The following FBXL13 variants were observed in gnomAD, a reference collection of about 807,000 sequenced individuals.
FBXL13 encodes the protein F-box and leucine-rich repeat protein 13.
In FBXL13, 67 loss-of-function variants were observed where a neutral mutation model predicts 83.6. The ratio of observed to expected loss-of-function variants is 0.80; its 90% CI spans 0.66 to 0.98. FBXL13 has a LOEUF of 0.98. Ranked by LOEUF, FBXL13 falls within the 50% of genes least tolerant of loss-of-function variation. FBXL13 has a pLI of 0.00. For synonymous variants in FBXL13, 272 were observed against 299.5 expected (o/e 0.91, Z 0.95); for missense variants, 822 against 866.5 (o/e 0.95, Z 0.64).
At position 103,027,448 on chromosome 7, in the gene FBXL13, C is replaced by A. The variant is rs768085729; in HGVS notation, c.327+1G>T. The A allele has an allele frequency of 6.5e-5, 104 of 1,600,980 alleles. No individual in the cohort carries two copies. The East Asian group carries it at 2.3e-3, about 35-fold the overall frequency. ...TAAAAAATTGTTTCAATATACAATA[C>A]CAGCTCATCTTCTTTCTTTTTACTC... On this transcript the variant is annotated splice_donor_variant, in intron 5 of 19. Transcript: ENST00000313221. LOFTEE classifies it high-confidence loss of function.
At chr7:102,992,898 C>T (rs978413077) in intron 6 of FBXL13, among the ~76,000 whole-genome samples, 2 of 152,170 alleles carry the variant, frequency 1.3e-5, no homozygotes, top group African/African-American at 2.4e-5. Flanking sequence ...TGAGCCACCA[C>T]GCCCAGCCTG....
At chr7:102,938,705 A>C (rs1055502490) in intron 8 of FBXL13, among the ~76,000 whole-genome samples, 20 of 152,222 alleles carry the variant, frequency 1.3e-4, no homozygotes, top group African/African-American at 4.8e-4. Flanking sequence ...ATCAAAAGCA[A>C]ACACTTTGCA....
chr7:102,914,049 C>T (rs1666833589), intron 10 of FBXL13, among the ~76,000 whole-genome samples: 1 of 152,154 alleles, frequency 6.6e-6, no homozygotes, highest in South Asian at 2.1e-4. Context: ...GACAATTTCC[C>T]AAGCCCTCCA....
At chr7:103,064,890 TCACAGACCTGGCTGAACTCC>T (rs1798247170) in intron 1 of FBXL13, among the ~76,000 whole-genome samples, 1 of 152,150 alleles carries the variant, frequency 6.6e-6, no homozygotes, top group Admixed American at 6.5e-5. Context: ...GCCTACTGGT[TCACAGACCTGGCTGAACTCC>T]CAGCCAACAG....
At chr7:102,894,865 T>C (rs73714532) in intron 11 of FBXL13, among the ~76,000 whole-genome samples, 169 of 152,282 alleles carry the variant, frequency 1.1e-3, no homozygotes, top group African/African-American at 4.0e-3. Flanking sequence ...TCATCAAGCC[T>C]TGCTCTAGCA....
Position 102,871,735 on chromosome 7 carries a change from A to G in FBXL13, c.1635+5732T>C, listed in dbSNP as rs541807009. Among the ~76,000 whole-genome samples the G allele has an allele frequency of 1.9e-3, 289 of 152,158 alleles. 2 individuals are homozygous for G. Among genetic ancestry groups the G allele is most frequent in the African/African-American group, 6.8e-3 (282 of 41,524 alleles). On this transcript the variant is annotated intron_variant, in intron 16 of 19. Transcript: ENST00000313221. The stretch of plus-strand genomic sequence containing the variant: ...TTCCAAAGCCAGAACTTTTAAGTCA[A>G]TTCTTATCCTCCCATCCCTCCACCG...
intron 16 of FBXL13, among the ~76,000 whole-genome samples, chr7:102,856,847 T>C (rs1806115618): frequency 6.6e-6 from 1 of 152,182 alleles, no homozygotes; most frequent in African/African-American, 2.4e-5. Context: ...TCCTCAAAAA[T>C]TAAACATAGA....
At chr7:102,908,035 A>C (rs2129467880) in intron 11 of FBXL13, among the ~76,000 whole-genome samples, 1 of 152,256 alleles carries the variant, frequency 6.6e-6, no homozygotes, top group East Asian at 1.9e-4. Context: ...AACTAGAAAA[A>C]CCATTTGACC....
chr7:103,044,239 T>C (rs996413562), intron 2 of FBXL13, among the ~76,000 whole-genome samples: 1 of 152,198 alleles, frequency 6.6e-6, no homozygotes, highest in Admixed American at 6.5e-5. Context: ...ATAAGTCGCA[T>C]GCAGAAAAAA....
chr7:102,903,102 T>C (rs1423689778), intron 11 of FBXL13, among the ~76,000 whole-genome samples: 2 of 152,112 alleles, frequency 1.3e-5, no homozygotes, highest in Non-Finnish European at 2.9e-5. Context: ...AATTTATTCA[T>C]CAGTGTTTCA....
intron 1 of FBXL13, among the ~76,000 whole-genome samples, chr7:103,064,939 G>A (rs1352078967): frequency 1.3e-5 from 2 of 152,122 alleles, no homozygotes; most frequent in Non-Finnish European, 2.9e-5. Flanking sequence ...AACTTGCTAG[G>A]CATGCAAAAG....
At chr7:102,877,996 C>G (rs1809497772) in intron 15 of FBXL13, among the ~76,000 whole-genome samples, 1 of 152,154 alleles carries the variant, frequency 6.6e-6, no homozygotes, top group South Asian at 2.1e-4. Context: ...CCAGAACACC[C>G]CTTGGGAAAT....
At chr7:102,835,744 G>A (rs1483130032) in intron 17 of FBXL13, among the ~76,000 whole-genome samples, 1 of 144,114 alleles carries the variant, frequency 6.9e-6, no homozygotes, top group Non-Finnish European at 1.5e-5. Context: ...CAAGTAGCTG[G>A]GACTACAGGC....
intron 6 of FBXL13, among the ~76,000 whole-genome samples, chr7:103,005,400 A>G (rs1357101763): frequency 6.6e-6 from 1 of 152,226 alleles, no homozygotes; most frequent in Non-Finnish European, 1.5e-5. Context: ...GACGGAAAGT[A>G]AAGGCAAAGA....
chr7:103,037,568 G>A (rs1020666364), intron 2 of FBXL13, among the ~76,000 whole-genome samples: 2 of 152,048 alleles, frequency 1.3e-5, no homozygotes, highest in Admixed American at 6.5e-5. Flanking sequence ...ACTTTGGGAG[G>A]CTGAGGTAGG....
intron 17 of FBXL13, chr7:102,834,630 T>C (rs531088238): frequency 6.6e-6 from 1 of 151,924 alleles, no homozygotes; most frequent in East Asian, 1.9e-4. Context: ...GCACAGATAC[T>C]AAAATTGGAA....
chr7:103,011,164 T>G (rs1343017278), intron 6 of FBXL13, among the ~76,000 whole-genome samples: 2 of 152,210 alleles, frequency 1.3e-5, no homozygotes, highest in African/African-American at 4.8e-5. Flanking sequence ...ACAATTGCCC[T>G]AGTTCCCTAG....
intron 11 of FBXL13, among the ~76,000 whole-genome samples, chr7:102,906,334 G>T (rs1024503656): frequency 6.6e-6 from 1 of 152,142 alleles, no homozygotes; most frequent in Non-Finnish European, 1.5e-5. Context: ...AAAAGTTGTT[G>T]TAGTTATTTT....
intron 11 of FBXL13, among the ~76,000 whole-genome samples, chr7:102,886,732 C>A (rs561273456): frequency 6.6e-6 from 1 of 152,292 alleles, no homozygotes; most frequent in East Asian, 1.9e-4. Flanking sequence ...AGAACCATGT[C>A]TATTCAGTAG....
Sources: gnomAD v4.1 joint callset for allele counts (sites outside exome capture counted in the v4.1 genomes callset) on GRCh38, gnomAD v4.1.1 for gene constraint, MANE v1.5 for transcripts, NCBI Gene and HGNC (gene_info 2026-07-23, HGNC 2026-07-21) for gene names.